Variants in TMEM178B observed in about 807,000 individuals in gnomAD.
TMEM178B encodes transmembrane protein 178B.
Under a neutral mutation model 31.0 loss-of-function variants are expected in TMEM178B, and 5 were observed. That is an observed-to-expected ratio of 0.16 (90% confidence interval 0.08 to 0.34). TMEM178B has a LOEUF of 0.34. Ranked by LOEUF, TMEM178B falls within the 10% of genes least tolerant of loss-of-function variation. The probability of loss-of-function intolerance (pLI) is 1.00; values close to 1 mark genes in which losing one functional copy is unlikely to be tolerated. For missense variants in TMEM178B, 275 were observed against 400.3 expected (o/e 0.69, Z 2.67); for synonymous variants, 164 against 164.0 (o/e 1.00, Z 0.00).
intron 1 of TMEM178B, among the ~76,000 whole-genome samples, chr7:141,169,960 A>AT (rs1796322354): frequency 6.6e-6 from 1 of 152,176 alleles, no homozygotes; most frequent in African/African-American, 2.4e-5. Flanking sequence ...ATAAATTAAG[A>AT]TTTTTCTTCA....
chr7:141,368,819 G>T lies in TMEM178B; in HGVS notation c.497-68789G>T, dbSNP rs369962562. ...TTCCAATGGTATGAAAACATTCCCG[G>T]ATCCCCTCTGTGTGGTTGTCTCTTC... On this transcript the variant is annotated intron_variant, in intron 2 of 3. Transcript: ENST00000565468. Among the ~76,000 whole-genome samples the T allele has an allele frequency of 2.6e-5, 4 of 152,258 alleles. No homozygotes were observed. In the East Asian group the frequency reaches 5.8e-4, roughly 22 times the overall value.
intron 2 of TMEM178B, among the ~76,000 whole-genome samples, chr7:141,269,644 A>T (rs1341489831): frequency 2.0e-5 from 3 of 151,876 alleles, no homozygotes; most frequent in Non-Finnish European, 4.4e-5. Flanking sequence ...TGTGTTTCTC[A>T]TTTATCAACA....
chr7:141,335,156 G>C (rs1187843301), intron 2 of TMEM178B, among the ~76,000 whole-genome samples: 6 of 152,172 alleles, frequency 3.9e-5, no homozygotes, highest in African/African-American at 7.2e-5. Context: ...CCTGGATAAG[G>C]AGGGAAATTA....
chr7:141,213,131 G>A (rs1180825827), intron 2 of TMEM178B, among the ~76,000 whole-genome samples: 1 of 152,170 alleles, frequency 6.6e-6, no homozygotes, highest in Non-Finnish European at 1.5e-5. Context: ...GCTGGTGGTT[G>A]CAGGATGCAT....
At chr7:141,311,342 G>A (rs1798907061) in intron 2 of TMEM178B, among the ~76,000 whole-genome samples, 1 of 152,082 alleles carries the variant, frequency 6.6e-6, no homozygotes, top group South Asian at 2.1e-4. Flanking sequence ...GTGAAAAATG[G>A]CCTCTTGTTT....
At chr7:141,276,216 G>A (rs1463074042) in intron 2 of TMEM178B, among the ~76,000 whole-genome samples, 2 of 152,128 alleles carry the variant, frequency 1.3e-5, no homozygotes, top group African/African-American at 4.8e-5. Flanking sequence ...GTGCCTGGGT[G>A]ACAGCAGGCT....
At chr7:141,407,724 C>A (rs1800909827) in intron 2 of TMEM178B, among the ~76,000 whole-genome samples, 1 of 152,134 alleles carries the variant, frequency 6.6e-6, no homozygotes, top group African/African-American at 2.4e-5. Context: ...CTATTGGAAC[C>A]CAATCTGATG....
the TMEM178B span, among the ~76,000 whole-genome samples, chr7:141,506,160 T>C: frequency 6.6e-6 from 1 of 152,250 alleles, no homozygotes; most frequent in East Asian, 1.9e-4. Context: ...TCTCAATCTC[T>C]GCTCTGCCAC....
At chr7:141,296,863 C>T (rs1459497015) in intron 2 of TMEM178B, among the ~76,000 whole-genome samples, 2 of 152,220 alleles carry the variant, frequency 1.3e-5, no homozygotes, top group East Asian at 1.9e-4. Flanking sequence ...CCTTTGCAGG[C>T]TACAGGGTCT....
rs1563080575 is a variant in TMEM178B, at chr7:141,074,150, CG to C, written c.-158del. On this transcript the variant is annotated 5_prime_UTR_variant, in exon 1 of 4. Coordinates refer to ENST00000565468, the MANE Select transcript of TMEM178B (RefSeq NM_001195278.2). The surrounding 1 kb of genome is among the most constrained non-coding windows in gnomAD (Gnocchi z 5.1). ...CGCCCGCCCCCATCCCCGCAGTCCC[CG>C]GGCCGTGCTCCGGTAGGCGGGGGCC... 9.1e-7 allele frequency: 1 copy of C among 1,097,700 alleles called. No homozygotes were observed. The highest frequency in any genetic ancestry group is 1.7e-5 in the African/African-American group (1 of 60,568). The allele number at this position is 1,097,700 out of a possible 1,614,324, so 68.0% of individuals were successfully genotyped here.
chr7:141,076,085 C>G (rs1194196373), intron 1 of TMEM178B, among the ~76,000 whole-genome samples: 1 of 152,078 alleles, frequency 6.6e-6, no homozygotes, highest in East Asian at 1.9e-4. Flanking sequence ...GTTAATACAA[C>G]CAATATCCCA....
At chr7:141,444,344 CA>C (rs1563184171) in intron 3 of TMEM178B, among the ~76,000 whole-genome samples, 1 of 152,092 alleles carries the variant, frequency 6.6e-6, no homozygotes, top group Non-Finnish European at 1.5e-5. Context: ...ATTTGTGGAA[CA>C]AATATATAGG....
At chr7:141,198,889 G>A (rs528137816) in intron 1 of TMEM178B, among the ~76,000 whole-genome samples, 4 of 152,274 alleles carry the variant, frequency 2.6e-5, no homozygotes, top group Non-Finnish European at 4.4e-5. Context: ...GGCAGCTCGC[G>A]GCTCTGAACT....
chr7:141,173,351 C>T (rs1563107395), intron 1 of TMEM178B: 1 of 152,184 alleles, frequency 6.6e-6, no homozygotes, highest in African/African-American at 2.4e-5. Flanking sequence ...AAAGTAGATG[C>T]TCAGTAAATG....
intron 1 of TMEM178B, among the ~76,000 whole-genome samples, chr7:141,200,423 G>A (rs568566202): frequency 6.6e-6 from 1 of 152,086 alleles, no homozygotes; most frequent in Admixed American, 6.5e-5. Context: ...GTTGCGGGGG[G>A]AGACAGGATG....
chr7:141,194,880 G>A (rs190143974), intron 1 of TMEM178B, among the ~76,000 whole-genome samples: 88 of 152,312 alleles, frequency 5.8e-4, no homozygotes, highest in African/African-American at 2.0e-3. Flanking sequence ...AATTCTTGAT[G>A]TCTGTGCACC....
At chr7:141,188,447 C>T (rs1303865142) in intron 1 of TMEM178B, among the ~76,000 whole-genome samples, 1 of 152,186 alleles carries the variant, frequency 6.6e-6, no homozygotes, top group East Asian at 1.9e-4. Context: ...ACTTCCTGTG[C>T]AAATACTCAA....
chr7:141,337,098 T>C (rs1241405840), intron 2 of TMEM178B, among the ~76,000 whole-genome samples: 2 of 14,480 alleles, frequency 1.4e-4, no homozygotes, highest in African/African-American at 6.2e-4. Context: ...ATCACTACCA[T>C]CATCATCACC....
intron 3 of TMEM178B, among the ~76,000 whole-genome samples, chr7:141,464,677 C>G (rs966351437): frequency 3.3e-5 from 5 of 152,250 alleles, no homozygotes; most frequent in Non-Finnish European, 7.4e-5. Flanking sequence ...GATAGAAGTT[C>G]AACAAATATT....
Sources: gnomAD v4.1 joint callset for allele counts (sites outside exome capture counted in the v4.1 genomes callset) on GRCh38, gnomAD v4.1.1 for gene constraint, Gnocchi (gnomAD v3.1) non-coding constraint, MANE v1.5 for transcripts, NCBI Gene and HGNC (gene_info 2026-07-23, HGNC 2026-07-21) for gene names.